The following EXOC4 variants were observed in gnomAD, a reference collection of about 807,000 sequenced individuals.
The protein encoded by EXOC4 is exocyst complex component 4, also known as SEC8-like 1.
A neutral mutation model predicts 107.2 loss-of-function variants in EXOC4; 71 were observed. The observed-to-expected ratio is 0.66, with a 90% CI of 0.55 to 0.81. The LOEUF is 0.81. Among genes scored for constraint, EXOC4 ranks in the 30% least tolerant of loss-of-function variants. The pLI, the probability that EXOC4 is intolerant of heterozygous loss-of-function variation, is 0.00. For missense variants in EXOC4, 1,108 were observed against 1,189.6 expected, an observed-to-expected ratio of 0.93 and a Z score of 1.01; for synonymous variants, 456 against 441.2, an observed-to-expected ratio of 1.03 and a Z score of -0.42.
At chr7:133,437,754 G>A (rs1451276780) in intron 7 of EXOC4, among the ~76,000 whole-genome samples, 1 of 152,142 alleles carries the variant, frequency 6.6e-6, no homozygotes, top group Non-Finnish European at 1.5e-5. Context: ...TATGAGTTCA[G>A]TATTGTCAAG....
In EXOC4 at chr7:133,615,720, G is replaced by A. The variant is rs189942662; in HGVS notation, c.1418-14325G>A. 4.1e-4 allele frequency among the ~76,000 whole-genome samples: 62 copies of A among 152,222 alleles called. 2 individuals are homozygous for A. Among genetic ancestry groups the A allele is most frequent in the African/African-American group, 1.4e-3 (57 of 41,550 alleles). ...TTAGTTTTTAGGCTTAAGTTGCTTT[G>A]TCTAGTATTATCAGAGCCTTTTCGT... On this transcript the variant is annotated intron_variant, in intron 9 of 17. Transcript: ENST00000253861.
intron 11 of EXOC4, among the ~76,000 whole-genome samples, chr7:133,887,902 T>C (rs186130765): frequency 3.2e-4 from 48 of 152,254 alleles, no homozygotes; most frequent in Admixed American, 6.5e-4. Context: ...TCAATTCCTG[T>C]CACTCACACA....
chr7:133,666,673 T>C (rs1415725199), intron 10 of EXOC4, among the ~76,000 whole-genome samples: 1 of 152,302 alleles, frequency 6.6e-6, no homozygotes, highest in East Asian at 1.9e-4. Context: ...CATTCATCCA[T>C]TTATTCACTC....
At chr7:134,029,174 G>A (rs1368717678) in intron 17 of EXOC4, among the ~76,000 whole-genome samples, 1 of 152,204 alleles carries the variant, frequency 6.6e-6, no homozygotes, top group East Asian at 1.9e-4. Context: ...TTCATTGTCT[G>A]TTTACATTAT....
intron 10 of EXOC4, among the ~76,000 whole-genome samples, chr7:133,641,768 A>G (rs373167634): frequency 2.6e-5 from 4 of 152,344 alleles, no homozygotes; most frequent in African/African-American, 9.6e-5. Context: ...AAGAGTGGAA[A>G]TAAGAATAGT....
chr7:133,637,753 A>G (rs17167183), intron 10 of EXOC4, among the ~76,000 whole-genome samples: 20,519 of 152,258 alleles, frequency 0.13, 1,522 homozygotes, highest in East Asian at 0.24. Context: ...AATTAATATT[A>G]TAAATGTTAA....
chr7:133,402,908 C>T (rs1183809400), intron 7 of EXOC4, among the ~76,000 whole-genome samples: 4 of 129,508 alleles, frequency 3.1e-5, no homozygotes, highest in South Asian at 2.4e-4. Flanking sequence ...TTTTTTGAGA[C>T]GGAGTCTCAC....
At chr7:134,085,886 C>G in the EXOC4 span, among the ~76,000 whole-genome samples, 1 of 152,186 alleles carries the variant, frequency 6.6e-6, no homozygotes, top group Non-Finnish European at 1.5e-5. Flanking sequence ...AAAGCTCCAA[C>G]ATATCACAAG....
At chr7:133,464,550 T>C (rs188332266) in intron 7 of EXOC4, among the ~76,000 whole-genome samples, 6 of 152,170 alleles carry the variant, frequency 3.9e-5, no homozygotes, top group Admixed American at 1.3e-4. Context: ...AGATAAAACA[T>C]TGTGGACAGA....
intron 10 of EXOC4, among the ~76,000 whole-genome samples, chr7:133,680,719 A>G (rs1358553567): frequency 6.6e-6 from 1 of 152,234 alleles, no homozygotes; most frequent in Admixed American, 6.5e-5. Context: ...TTATTTGAAT[A>G]CATTTAAGCC....
At chr7:133,713,564 T>C (rs1487400634) in intron 10 of EXOC4, among the ~76,000 whole-genome samples, 2 of 152,200 alleles carry the variant, frequency 1.3e-5, no homozygotes, top group African/African-American at 4.8e-5. Context: ...AGGTATTTGA[T>C]ATGGTTAGGC....
intron 7 of EXOC4, among the ~76,000 whole-genome samples, chr7:133,450,491 C>T (rs539494841): frequency 1.3e-5 from 2 of 152,212 alleles, no homozygotes; most frequent in Admixed American, 6.5e-5. Flanking sequence ...ATCTTTTCCT[C>T]ACTTTTTCTT....
At chr7:134,088,940 A>G in the EXOC4 span, among the ~76,000 whole-genome samples, 2 of 152,164 alleles carry the variant, frequency 1.3e-5, no homozygotes, top group Non-Finnish European at 1.5e-5. Flanking sequence ...TTAGTGTACT[A>G]TTACCATTAA....
intron 5 of EXOC4, among the ~76,000 whole-genome samples, chr7:133,350,969 C>T (rs143518793): frequency 7.0e-4 from 106 of 151,614 alleles, no homozygotes; most frequent in African/African-American, 1.8e-3. Flanking sequence ...TCATCTTTTT[C>T]GTTAATTCCT....
chr7:133,520,528 A>G (rs1281178883), intron 9 of EXOC4, among the ~76,000 whole-genome samples: 1 of 152,146 alleles, frequency 6.6e-6, no homozygotes, highest in Non-Finnish European at 1.5e-5. Context: ...TACTGTGCAA[A>G]TGCAGCATAC....
chr7:133,762,898 T>C (rs7804463), intron 10 of EXOC4, among the ~76,000 whole-genome samples: 71,726 of 151,804 alleles, frequency 0.47, 17,298 homozygotes, highest in South Asian at 0.62. Context: ...ATATTTTTTC[T>C]TTGCTGTTTT....
chr7:134,097,068 T>A, the EXOC4 span, among the ~76,000 whole-genome samples: 1 of 151,906 alleles, frequency 6.6e-6, no homozygotes, highest in East Asian at 1.9e-4. Context: ...GATACAAATT[T>A]TAAAAAATAG....
In EXOC4 at chr7:133,997,572, C is replaced by T. The variant is rs373770857; in HGVS notation, c.2287C>T (p.Leu763Phe). ...SEQIMQTLSE[L>F]AKSFQDMADR... is the part of the protein sequence containing the mutation. ...GCAGATCATGCAGACTCTCAGTGAA[C>T]TTGCCAAATCGTTCCAGGATATGGC... Residue 763 changes from leucine to phenylalanine, a missense_variant, in exon 15 of 18, where the codon CTT (leucine) becomes TTT (phenylalanine). Physicochemically the swap from Leu to Phe is conservative, Grantham distance 22 (BLOSUM62 0). Transcript: ENST00000253861. 34 of 1,613,590 alleles carry T rather than the reference C, an allele frequency of 2.1e-5. No individual in the cohort carries two copies. Among genetic ancestry groups the T allele is most frequent in the Middle Eastern group, 1.6e-4 (1 of 6,080 alleles).
chr7:133,713,760 C>G (rs539530660), intron 10 of EXOC4, among the ~76,000 whole-genome samples: 32 of 152,214 alleles, frequency 2.1e-4, no homozygotes, highest in African/African-American at 6.7e-4. Context: ...TCGCTTGGCA[C>G]TTCTCCTTCT....
Sources: allele counts gnomAD v4.1 joint callset (sites outside exome capture counted in the v4.1 genomes callset), GRCh38; gene constraint gnomAD v4.1.1; transcripts MANE v1.5; gene names NCBI Gene and HGNC (gene_info 2026-07-23, HGNC 2026-07-21).